Variants in SCML4 observed in about 807,000 individuals in gnomAD.
The protein encoded by SCML4 is Scm polycomb group protein like 4, also known as sex comb on midleg-like protein 4.
A neutral mutation model predicts 41.1 loss-of-function variants in SCML4; 34 were observed. The ratio of observed to expected loss-of-function variants is 0.83; its 90% CI spans 0.63 to 1.10. The LOEUF is 1.10. SCML4 is among the 50% of genes least tolerant of loss of function. SCML4 has a pLI of 0.00. For synonymous variants in SCML4, 214 were observed against 220.9 expected, an observed-to-expected ratio of 0.97 and a Z score of 0.28; for missense variants, 522 against 534.1, an observed-to-expected ratio of 0.98 and a Z score of 0.22.
the SCML4 span, among the ~76,000 whole-genome samples, chr6:107,844,207 G>A: frequency 2.6e-5 from 4 of 152,038 alleles, no homozygotes; most frequent in Non-Finnish European, 5.9e-5. Flanking sequence ...GAGAAAGGGA[G>A]ACGATGAGTC....
At chr6:107,793,372 C>T (rs1782481298) in intron 1 of SCML4, among the ~76,000 whole-genome samples, 1 of 152,228 alleles carries the variant, frequency 6.6e-6, no homozygotes, top group Admixed American at 6.5e-5. Flanking sequence ...ATTCTACAGA[C>T]AGGAAGCCCC....
At chr6:107,782,678 G>A (rs1781602789) in intron 1 of SCML4, among the ~76,000 whole-genome samples, 2 of 152,156 alleles carry the variant, frequency 1.3e-5, no homozygotes, top group Non-Finnish European at 2.9e-5. Context: ...GTGCTGGTCT[G>A]AGTTTGCCTG....
upstream of SCML4, among the ~76,000 whole-genome samples, chr6:107,826,113 G>A (rs9372172): frequency 0.41 from 61,963 of 151,120 alleles, 15,565 homozygotes; most frequent in East Asian, 0.7. Context: ...GCTTGGTGGC[G>A]CTTGCCTGTA....
intron 1 of SCML4, among the ~76,000 whole-genome samples, chr6:107,779,559 G>A (rs1372810796): frequency 6.6e-6 from 1 of 152,134 alleles, no homozygotes; most frequent in Non-Finnish European, 1.5e-5. Context: ...GCCTCTGCTG[G>A]ACTCTAAGTT....
chr6:107,755,757 T>C lies in SCML4; in HGVS notation c.157-5944A>G, dbSNP rs2114524861. 1.3e-5 allele frequency: 6 copies of C among 452,454 alleles called. No individual in the cohort carries two copies. The South Asian group carries it at 1.6e-4, about 12-fold the overall frequency. The allele number at this position is 452,454 out of a possible 1,614,324, so 28.0% of individuals were successfully genotyped here. On this transcript the variant is annotated intron_variant, in intron 2 of 7. Coordinates refer to ENST00000369020, the MANE Select transcript of SCML4 (RefSeq NM_198081.5). ...AGTGGTTTCTAACACCATTCTTCAA[T>C]GTAAGGAAAAAAAACTCCTTGCAGA...
intron 1 of SCML4, among the ~76,000 whole-genome samples, chr6:107,774,599 A>G (rs574496231): frequency 1.3e-5 from 2 of 152,290 alleles, no homozygotes; most frequent in South Asian, 4.1e-4. Flanking sequence ...TATTATTTTT[A>G]TAGACTTTAA....
At chr6:107,843,303 G>A in the SCML4 span, among the ~76,000 whole-genome samples, 1 of 152,118 alleles carries the variant, frequency 6.6e-6, no homozygotes, top group Middle Eastern at 3.4e-3. Flanking sequence ...AAGACAGCCA[G>A]GGAAAAAAGG....
At chr6:107,796,194 G>A (rs35203242) in intron 1 of SCML4, among the ~76,000 whole-genome samples, 7,329 of 152,114 alleles carry the variant, frequency 0.048, 280 homozygotes, top group Non-Finnish European at 0.067. Flanking sequence ...AATTACCTGG[G>A]AGTGGAATTG....
chr6:107,732,115 C>A (rs954676467), intron 5 of SCML4: 1 of 152,258 alleles, frequency 6.6e-6, no homozygotes, highest in Non-Finnish European at 1.5e-5. Flanking sequence ...GTGACCAAAA[C>A]CTGAAGGTTT....
intron 1 of SCML4, among the ~76,000 whole-genome samples, chr6:107,787,393 C>G (rs1781984470): frequency 6.6e-6 from 1 of 152,004 alleles, no homozygotes; most frequent in Non-Finnish European, 1.5e-5. Context: ...GCAGCTGCGA[C>G]TGTCACTCAG....
intron 2 of SCML4, among the ~76,000 whole-genome samples, chr6:107,751,579 T>C (rs1228945985): frequency 1.4e-5 from 1 of 71,088 alleles, no homozygotes; most frequent in African/African-American, 5.7e-5. Flanking sequence ...ACAATCTTTC[T>C]TTCTTTCTTT....
At chr6:107,840,472 T>C in the SCML4 span, among the ~76,000 whole-genome samples, 1 of 152,218 alleles carries the variant, frequency 6.6e-6, no homozygotes, top group Non-Finnish European at 1.5e-5. Context: ...AAACAGGGAA[T>C]CTTCATTCAC....
intron 2 of SCML4, among the ~76,000 whole-genome samples, chr6:107,758,395 G>T (rs550163721): frequency 5.3e-5 from 8 of 152,350 alleles, no homozygotes; most frequent in East Asian, 3.9e-4. Context: ...AAGAGGTCAA[G>T]TTAGGTGGTT....
At chr6:107,746,048 G>A (rs1488583773) in intron 4 of SCML4, 2 of 152,180 alleles carry the variant, frequency 1.3e-5, no homozygotes, top group Admixed American at 1.3e-4. Flanking sequence ...GGTGACAAGG[G>A]CTATATATTA....
chr6:107,808,791 C>T (rs1413802919), intron 1 of SCML4, among the ~76,000 whole-genome samples: 2 of 152,114 alleles, frequency 1.3e-5, no homozygotes, highest in East Asian at 1.9e-4. Flanking sequence ...TATCAATATA[C>T]ATATGTTGGG....
chr6:107,767,748 C>T (rs757958740), intron 2 of SCML4, among the ~76,000 whole-genome samples: 1 of 152,186 alleles, frequency 6.6e-6, no homozygotes, highest in Non-Finnish European at 1.5e-5. Flanking sequence ...ACCAGCACTG[C>T]GTTTCCTAGC....
At chr6:107,748,407 GT>G (rs1328877406) in intron 3 of SCML4, among the ~76,000 whole-genome samples, 1 of 151,732 alleles carries the variant, frequency 6.6e-6, no homozygotes, top group Non-Finnish European at 1.5e-5. Flanking sequence ...TTGTTTTTTT[GT>G]TTTTTTGAGC....
the SCML4 span, among the ~76,000 whole-genome samples, chr6:107,833,986 T>TA: frequency 3.3e-5 from 5 of 152,042 alleles, no homozygotes; most frequent in African/African-American, 1.2e-4. Context: ...GGTGTCATAA[T>TA]AAGGAAAAGG....
chr6:107,791,072 A>AG, intron 1 of SCML4, among the ~76,000 whole-genome samples: 1 of 151,404 alleles, frequency 6.6e-6, no homozygotes, highest in Middle Eastern at 3.4e-3. Flanking sequence ...TCCGTCTAAA[A>AG]AAAAAAAAAA....
Sources: gnomAD v4.1 joint callset for allele counts (sites outside exome capture counted in the v4.1 genomes callset) on GRCh38, gnomAD v4.1.1 for gene constraint, MANE v1.5 for transcripts, NCBI Gene and HGNC (gene_info 2026-07-23, HGNC 2026-07-21) for gene names.